The following UBE3D variants were observed in gnomAD, a reference collection of about 807,000 sequenced individuals.
The protein encoded by UBE3D is ubiquitin protein ligase E3D.
Under a neutral mutation model 49.6 loss-of-function variants are expected in UBE3D, and 48 were observed. That is an observed-to-expected ratio of 0.97 (90% CI 0.77 to 1.23). The LOEUF (loss-of-function observed/expected upper bound fraction) is 1.23, where lower values mean the gene tolerates loss of function less well. Among genes scored for constraint, UBE3D ranks in the 50% most tolerant of loss-of-function variants. The pLI is 0.00. For missense variants in UBE3D, 452 were observed against 468.4 expected (o/e 0.96, Z 0.32); for synonymous variants, 189 against 174.2 (o/e 1.08, Z -0.67).
intron 9 of UBE3D, among the ~76,000 whole-genome samples, chr6:82,899,487 G>C (rs779606316): frequency 1.3e-5 from 2 of 152,166 alleles, no homozygotes; most frequent in East Asian, 3.8e-4. Flanking sequence ...TAACTAAAAA[G>C]CTTGTTGATT....
At chr6:82,892,187 A>G (rs138329819), downstream of UBE3D, among the ~76,000 whole-genome samples, 376 of 152,306 alleles carry the variant, frequency 2.5e-3, 2 homozygotes, top group African/African-American at 8.7e-3. Context: ...AGAGAGATGG[A>G]TCAGATCTTG....
At position 83,030,652 on chromosome 6, in the gene UBE3D, C is replaced by T. The variant is rs112515678; in HGVS notation, c.668-6614G>A. 7.0e-3 allele frequency among the ~76,000 whole-genome samples: 1,064 copies of T among 152,084 alleles called. 14 individuals are homozygous for T. The highest frequency in any genetic ancestry group is 0.024 in the African/African-American group (1,006 of 41,454). ...GCAAGGATACTGGAAAATGTGGAAGCGACTTTGGAATTTGGGTAACAGGCA... is the reference window on the plus strand; with the variant it reads ...GCAAGGATACTGGAAAATGTGGAAGTGACTTTGGAATTTGGGTAACAGGCA... On this transcript the variant is annotated intron_variant, in intron 5 of 9. Transcript: ENST00000369747.
At position 83,048,079 on chromosome 6, in the gene UBE3D, C is replaced by CAAA. The variant is rs35344320; in HGVS notation, c.366-3423_366-3421dup. Reference sequence around the variant, plus strand: ...CCTGGGCAACAGGGAGACTCCAGCTCAAAAAAAAAAAAAAAAAAAAAAAAA... The same window carrying CAAA: ...CCTGGGCAACAGGGAGACTCCAGCTCAAAAAAAAAAAAAAAAAAAAAAAAAAAA... On this transcript the variant is annotated intron_variant, in intron 3 of 9. Coordinates refer to ENST00000369747, the MANE Select transcript of UBE3D (RefSeq NM_198920.3). 6.2e-3 allele frequency among the ~76,000 whole-genome samples: 297 copies of CAAA among 48,052 alleles called. 42 individuals are homozygous for CAAA. The highest frequency in any genetic ancestry group is 0.013 in the African/African-American group (152 of 11,456). 31.5% of individuals were successfully genotyped at this position (48,052 alleles called of 152,430 possible).
chr6:82,901,166 G>A (rs999297062), intron 9 of UBE3D, among the ~76,000 whole-genome samples: 3 of 151,828 alleles, frequency 2.0e-5, no homozygotes, highest in Non-Finnish European at 2.9e-5. Context: ...TAGCGCTTCT[G>A]AAACTAAATG....
intron 9 of UBE3D, among the ~76,000 whole-genome samples, chr6:82,921,337 TC>T (rs2127735520): frequency 6.6e-6 from 1 of 152,254 alleles, no homozygotes; most frequent in Admixed American, 6.5e-5. Flanking sequence ...TCCTGAAGCC[TC>T]TTGGTAAGCC....
intron 7 of UBE3D, among the ~76,000 whole-genome samples, chr6:83,021,610 T>C (rs1290703451): frequency 6.6e-6 from 1 of 152,022 alleles, no homozygotes; most frequent in Non-Finnish European, 1.5e-5. Context: ...CTCATGCCTG[T>C]AATCCCAGCA....
At chr6:82,967,005 A>AT (rs1776986500) in intron 8 of UBE3D, among the ~76,000 whole-genome samples, 1 of 151,974 alleles carries the variant, frequency 6.6e-6, no homozygotes, top group South Asian at 2.1e-4. Flanking sequence ...TATTTTTTTC[A>AT]TTTTTTTCAT....
At chr6:82,973,493 G>T (rs1446310438) in intron 8 of UBE3D, among the ~76,000 whole-genome samples, 2 of 152,072 alleles carry the variant, frequency 1.3e-5, no homozygotes, top group South Asian at 2.1e-4. Context: ...TTTTTAAATG[G>T]CAGCTTTAAA....
intron 9 of UBE3D, among the ~76,000 whole-genome samples, chr6:82,911,214 A>C (rs949690540): frequency 3.4e-5 from 5 of 148,428 alleles, no homozygotes; most frequent in East Asian, 3.9e-4. Context: ...AAAAAAAAAA[A>C]AAAAAAAAAC....
chr6:82,886,819 T>C, the UBE3D span, among the ~76,000 whole-genome samples: 1 of 152,218 alleles, frequency 6.6e-6, no homozygotes, highest in Non-Finnish European at 1.5e-5. Flanking sequence ...TGGCCACTAT[T>C]TCGTTTCTTC....
At chr6:83,055,766 G>T (rs1306669753) in intron 2 of UBE3D, among the ~76,000 whole-genome samples, 1 of 152,140 alleles carries the variant, frequency 6.6e-6, no homozygotes, top group Non-Finnish European at 1.5e-5. Flanking sequence ...CCTTAAAAGG[G>T]TGTTCTTAGC....
chr6:82,901,988 C>A (rs1226705205), intron 9 of UBE3D, among the ~76,000 whole-genome samples: 1 of 152,140 alleles, frequency 6.6e-6, no homozygotes, highest in Non-Finnish European at 1.5e-5. Flanking sequence ...GCAGGGACAG[C>A]TTCTGATATG....
chr6:82,971,124 C>CTA (rs1318063790), intron 8 of UBE3D, among the ~76,000 whole-genome samples: 1 of 152,068 alleles, frequency 6.6e-6, no homozygotes, highest in Non-Finnish European at 1.5e-5. Flanking sequence ...TTCTAATTTA[C>CTA]TATTTTCTGA....
intron 9 of UBE3D, among the ~76,000 whole-genome samples, chr6:82,898,378 C>T (rs573555073): frequency 1.3e-5 from 2 of 152,240 alleles, no homozygotes; most frequent in South Asian, 2.1e-4. Flanking sequence ...TACATGCACA[C>T]GTATGTTTAT....
chr6:82,972,653 A>G (rs1364499420), intron 8 of UBE3D, among the ~76,000 whole-genome samples: 1 of 152,234 alleles, frequency 6.6e-6, no homozygotes, highest in Non-Finnish European at 1.5e-5. Flanking sequence ...AAAATGGTAC[A>G]TAATTCTACA....
intron 9 of UBE3D, among the ~76,000 whole-genome samples, chr6:82,935,134 T>C (rs895755664): frequency 2.0e-5 from 3 of 150,886 alleles, no homozygotes; most frequent in African/African-American, 7.3e-5. Flanking sequence ...GGTGCTGGCA[T>C]CTGCTTGGCT....
At chr6:83,039,103 A>G (rs1782467224) in intron 4 of UBE3D, among the ~76,000 whole-genome samples, 1 of 152,264 alleles carries the variant, frequency 6.6e-6, no homozygotes, top group South Asian at 2.1e-4. Flanking sequence ...TTTGAGATAC[A>G]GATTAAAATA....
the UBE3D span, among the ~76,000 whole-genome samples, chr6:82,886,271 G>A: frequency 6.6e-6 from 1 of 152,116 alleles, no homozygotes; most frequent in Non-Finnish European, 1.5e-5. Flanking sequence ...GTGGAAGGGG[G>A]ATGAAACTGT....
chr6:83,028,013 TC>T lies in UBE3D; in HGVS notation c.668-3976del, dbSNP rs199638224. 9.7e-4 allele frequency among the ~76,000 whole-genome samples: 147 copies of T among 152,308 alleles called. 1 individual carries two copies. Among genetic ancestry groups the T allele is most frequent in the African/African-American group, 3.3e-3 (139 of 41,562 alleles). On this transcript the variant is annotated intron_variant, in intron 5 of 9. Coordinates refer to ENST00000369747, the MANE Select transcript of UBE3D (RefSeq NM_198920.3). ...TCATCTATCTTTTGCTCGTTAATTC[TC>T]TCTTCAAGTTGTATCTAATCTGGTG...
Sources: gnomAD v4.1 joint callset for allele counts (sites outside exome capture counted in the v4.1 genomes callset) on GRCh38, gnomAD v4.1.1 for gene constraint, MANE v1.5 for transcripts, NCBI Gene and HGNC (gene_info 2026-07-23, HGNC 2026-07-21) for gene names.